RERE: variants seen among roughly 807,000 people sequenced by gnomAD.
RERE encodes arginine-glutamic acid dipeptide repeats, also known as arginine-glutamic acid dipeptide repeats protein.
Under a neutral mutation model 146.1 loss-of-function variants are expected in RERE, and 40 were observed. That is an observed-to-expected ratio of 0.27 (90% confidence interval 0.21 to 0.36). RERE has a LOEUF of 0.36. Among genes scored for constraint, RERE ranks in the 10% least tolerant of loss-of-function variants. RERE has a pLI of 1.00. For missense variants in RERE, 1,933 were observed against 2,138.7 expected, an observed-to-expected ratio of 0.90 and a Z score of 1.90; for synonymous variants, 1,003 against 866.0, an observed-to-expected ratio of 1.16 and a Z score of -2.78.
At chr1:8,582,791 T>C (rs2124067772) in intron 4 of RERE, among the ~76,000 whole-genome samples, 1 of 152,170 alleles carries the variant, frequency 6.6e-6, no homozygotes, top group African/African-American at 2.4e-5. Context: ...GCAGGGGTAG[T>C]GGTCACGGTA....
chr1:8,497,259 TC>T (rs1234764771), intron 9 of RERE, 145 bp downstream of exon 9: 4 of 672,066 alleles, frequency 6.0e-6, no homozygotes, highest in Middle Eastern at 3.7e-4. Context: ...AGAGCCAGGG[TC>T]CCGATTACAG....
chr1:8,360,889 C>A lies in RERE; in HGVS notation c.2618G>T (p.Gly873Val), dbSNP rs1358699510. ...LQHPGPPQPF[G>V]LPPQASQGQA... Reference sequence around the variant, plus strand: ...GCCTTGGGAGGCCTGGGGAGGGAGGCCAAAGGGCTGTGGGGGGCCTGGGTG... The same window carrying A: ...GCCTTGGGAGGCCTGGGGAGGGAGGACAAAGGGCTGTGGGGGGCCTGGGTG... Residue 873 changes from glycine (G) to valine (V), a missense_variant, in exon 18 of 23, where the codon GGC (glycine) becomes GTC (valine). Physicochemically the swap from Gly to Val is moderately radical, Grantham distance 109 (BLOSUM62 -3). This residue lies in a region of RERE where 1,255 missense variants were observed against 1,153.8 expected (regional missense o/e 1.09). Transcript: ENST00000400908. 2.0e-6 allele frequency: 3 copies of A among 1,513,762 alleles called. No homozygotes were observed. The highest frequency in any genetic ancestry group is 4.9e-5 in the East Asian group (2 of 40,618). The allele number at this position is 1,513,762 out of a possible 1,614,324, so 93.8% of individuals were successfully genotyped here.
chr1:8,640,738 A>G (rs974275695), intron 2 of RERE, among the ~76,000 whole-genome samples: 4 of 152,210 alleles, frequency 2.6e-5, no homozygotes, highest in African/African-American at 9.6e-5. Context: ...CTAGAAATTT[A>G]CCCATTTCCA....
chr1:8,760,312 C>A (rs548562704), intron 1 of RERE, among the ~76,000 whole-genome samples: 1 of 152,386 alleles, frequency 6.6e-6, no homozygotes, highest in African/African-American at 2.4e-5. Context: ...GAGGCGTAAG[C>A]CACTGCGCCC....
intron 1 of RERE, among the ~76,000 whole-genome samples, chr1:8,753,223 A>G (rs1355643887): frequency 1.3e-5 from 2 of 152,208 alleles, no homozygotes; most frequent in Non-Finnish European, 2.9e-5. Context: ...GAGGGAATAA[A>G]CAATATAAAC....
Position 8,567,012 on chromosome 1 carries a change from A to C in RERE, c.523-9489T>G, listed in dbSNP as rs148947314. Among the ~76,000 whole-genome samples, 7 of 152,174 alleles carry C rather than the reference A, an allele frequency of 4.6e-5. No individual in the cohort carries two copies. In the East Asian group the frequency reaches 1.4e-3, roughly 29 times the overall value. On this transcript the variant is annotated intron_variant, in intron 4 of 22. Transcript: ENST00000400908. ...CATCGTGTTAGCCAGGATGGTCTTG[A>C]TCTCCAGACCTCGTGATCCGCCTGA...
At chr1:8,445,698 G>A (rs1304493061) in intron 11 of RERE, among the ~76,000 whole-genome samples, 1 of 149,840 alleles carries the variant, frequency 6.7e-6, no homozygotes. Flanking sequence ...TTTTTTTTAT[G>A]TTCGGGGATA....
At chr1:8,439,953 A>T (rs999111891) in intron 11 of RERE, among the ~76,000 whole-genome samples, 2 of 152,232 alleles carry the variant, frequency 1.3e-5, no homozygotes, top group African/African-American at 4.8e-5. Context: ...AAACGCCTGT[A>T]ATCCCAGCTA....
intron 1 of RERE, among the ~76,000 whole-genome samples, chr1:8,746,626 AGT>A (rs1640425994): frequency 6.6e-6 from 1 of 152,036 alleles, no homozygotes; most frequent in Admixed American, 6.6e-5. Flanking sequence ...CAAAATTCTA[AGT>A]CAAAGAATCA....
intron 1 of RERE, among the ~76,000 whole-genome samples, chr1:8,689,866 G>C (rs1639173314): frequency 6.6e-6 from 1 of 151,900 alleles, no homozygotes; most frequent in African/African-American, 2.4e-5. Flanking sequence ...CCCTACACTT[G>C]CATCTCATTT....
At chr1:8,470,004 T>C (rs1317811831) in intron 10 of RERE, among the ~76,000 whole-genome samples, 1 of 152,228 alleles carries the variant, frequency 6.6e-6, no homozygotes, top group Admixed American at 6.5e-5. Flanking sequence ...CAGTTTCTCC[T>C]GAAGAAGCTA....
chr1:8,680,651 G>A (rs927094980), intron 1 of RERE, among the ~76,000 whole-genome samples: 4 of 152,132 alleles, frequency 2.6e-5, no homozygotes. Flanking sequence ...GGGTAAAAAG[G>A]AAAGAGAGAC....
chr1:8,557,393 A>G (rs1646020824), intron 5 of RERE, 25 bp downstream of exon 5: 2 of 1,423,442 alleles, frequency 1.4e-6, no homozygotes, highest in Non-Finnish European at 9.9e-7. Flanking sequence ...GAAACACACA[A>G]ATCAAACCAC....
At chr1:8,447,255 G>A (rs1416962502) in intron 11 of RERE, among the ~76,000 whole-genome samples, 1 of 151,644 alleles carries the variant, frequency 6.6e-6, no homozygotes, top group African/African-American at 2.4e-5. Context: ...CTTTAGCTCG[G>A]AGGAGTTTGT....
intron 1 of RERE, among the ~76,000 whole-genome samples, chr1:8,678,457 A>C (rs986449140): frequency 2.6e-5 from 4 of 151,518 alleles, no homozygotes; most frequent in Non-Finnish European, 5.9e-5. Context: ...ATCCTGGCTA[A>C]CATGGTGAAA....
intron 3 of RERE, among the ~76,000 whole-genome samples, chr1:8,617,107 G>A (rs1437208054): frequency 6.6e-6 from 1 of 152,056 alleles, no homozygotes; most frequent in East Asian, 1.9e-4. Flanking sequence ...CACTTTGGGA[G>A]GCCGAGGCGG....
At chr1:8,585,670 T>G (rs1011264685) in intron 4 of RERE, among the ~76,000 whole-genome samples, 1 of 152,148 alleles carries the variant, frequency 6.6e-6, no homozygotes, top group Non-Finnish European at 1.5e-5. Flanking sequence ...CTGGCTTCAA[T>G]AAGGATTAGG....
chr1:8,806,579 A>C (rs1454268700), intron 1 of RERE, among the ~76,000 whole-genome samples: 1 of 152,138 alleles, frequency 6.6e-6, no homozygotes, highest in Non-Finnish European at 1.5e-5. Flanking sequence ...CGATTAAGCC[A>C]AATCTCCCTT....
rs116659663 is a variant in RERE, at chr1:8,387,217, G to A, written c.1285-21243C>T. 8.3e-3 allele frequency among the ~76,000 whole-genome samples: 1,271 copies of A among 152,284 alleles called. 14 individuals carry two copies. The highest frequency in any genetic ancestry group is 0.029 in the African/African-American group (1,214 of 41,546). On this transcript the variant is annotated intron_variant, in intron 12 of 22. Coordinates refer to ENST00000400908, the MANE Select transcript of RERE (RefSeq NM_001042681.2). ...GACATAGCTGGCAACACAAATCAGT[G>A]GAGAAAAGGCTGGACTTCTCCAGAG...
Sources: gnomAD v4.1 joint callset for allele counts (sites outside exome capture counted in the v4.1 genomes callset) on GRCh38, gnomAD v4.1.1 for gene constraint, gnomAD v4.1.1 regional missense constraint, MANE v1.5 for transcripts, NCBI Gene and HGNC (gene_info 2026-07-23, HGNC 2026-07-21) for gene names.